Variants in NEURL4 observed in about 807,000 individuals in gnomAD.
NEURL4 encodes the protein neuralized-like protein 4.
A neutral mutation model predicts 148.0 loss-of-function variants in NEURL4; 45 were observed. That is an observed-to-expected ratio of 0.30 (90% confidence interval 0.24 to 0.39). The LOEUF is 0.39. Among genes scored for constraint, NEURL4 ranks in the 10% least tolerant of loss-of-function variants. NEURL4 has a pLI of 1.00. For synonymous variants in NEURL4, 854 were observed against 869.0 expected (o/e 0.98, Z 0.30); for missense variants, 1,776 against 2,144.0 (o/e 0.83, Z 3.39).
In NEURL4 at chr17:7,329,012, C is replaced by T. The variant is rs774170035; in HGVS notation, c.282+19G>A. 1.3e-6 allele frequency: 2 copies of T among 1,538,784 alleles called. No homozygotes were observed. The highest frequency in any genetic ancestry group is 1.8e-6 in the Non-Finnish European group (2 of 1,138,058). On this transcript the variant is annotated intron_variant, in intron 1 of 28. Transcript: ENST00000399464. ...CCCACCACCCTCCACATCTCTGTTCCGCGGTACCAGCGCTGCACCTTGCGG... is the reference window on the plus strand; with the variant it reads ...CCCACCACCCTCCACATCTCTGTTCTGCGGTACCAGCGCTGCACCTTGCGG...
Position 7,327,548 on chromosome 17 carries a change from G to C in NEURL4, c.619C>G (p.Pro207Ala). The change falls in exon 2 of 29, where the codon CCT (proline) becomes GCT (alanine). Residue 207 changes from proline to alanine, a missense_variant. Transcript: ENST00000399464. This position sits in a 1 kb window ranked among gnomAD's most constrained non-coding sequence, Gnocchi z 6.6. ...GKCTQITVLPPEPGFSPPTPI... is the reference protein window; with the variant it reads ...GKCTQITVLPAEPGFSPPTPI... ...GTAGGGGGGCTGAAGCCTGGCTCAGGGGGTAGCACGGTGATCTGGGTGCAC... is the reference window on the plus strand; with the variant it reads ...GTAGGGGGGCTGAAGCCTGGCTCAGCGGGTAGCACGGTGATCTGGGTGCAC... 2 of 1,609,974 alleles carry C rather than the reference G, an allele frequency of 1.2e-6. No homozygotes were observed. Among genetic ancestry groups the C allele is most frequent in the Non-Finnish European group, 1.7e-6 (2 of 1,178,796 alleles).
In NEURL4 at chr17:7,328,204, C is replaced by G. The variant is rs147637478; in HGVS notation, c.283-320G>C. ...TCCAAATTCTCCTACTTCCTATACCCACACCTCTTGCTCTTGTGTATCATT... is the reference window on the plus strand; with the variant it reads ...TCCAAATTCTCCTACTTCCTATACCGACACCTCTTGCTCTTGTGTATCATT... On this transcript the variant is annotated intron_variant, in intron 1 of 28. Transcript: ENST00000399464. Among the ~76,000 whole-genome samples, 16 of 152,300 alleles carry G rather than the reference C, an allele frequency of 1.1e-4. No individual in the cohort carries two copies. The East Asian group carries it at 2.9e-3, about 28-fold the overall frequency.
chr17:7,327,084 TCCCTAC>T lies in NEURL4; in HGVS notation c.793+75_794-76del, dbSNP rs2073112382. 3 of 1,599,332 alleles carry T rather than the reference TCCCTAC, an allele frequency of 1.9e-6. No homozygotes were observed. Among genetic ancestry groups the T allele is most frequent in the African/African-American group, 2.7e-5 (2 of 74,684 alleles). On this transcript the variant is annotated intron_variant, in intron 3 of 28. Coordinates refer to ENST00000399464, the MANE Select transcript of NEURL4 (RefSeq NM_032442.3). The surrounding 1 kb of genome is among the most constrained non-coding windows in gnomAD (Gnocchi z 6.6). Reference sequence around the variant, plus strand: ...TACACCCCCAGACCTGGTGCCTCTCTCCCTACCCCTTCTCCTGAGGGCCCTCCCTTG... The same window carrying T: ...TACACCCCCAGACCTGGTGCCTCTCTCCCTTCTCCTGAGGGCCCTCCCTTG...
rs1034908026 is a variant in NEURL4 at position 7,319,075 on chromosome 17, C to T, written c.3659G>A (p.Arg1220His). ...LKRAAWLLRG[R>H]GVFHNGLKIC... Reference sequence around the variant, plus strand: ...CTTGAGACCGTTGTGGAAGACCCCACGGCCCCGCAGCAGCCAGGCTGCCCG... The same window carrying T: ...CTTGAGACCGTTGTGGAAGACCCCATGGCCCCGCAGCAGCCAGGCTGCCCG... The change falls in exon 22 of 29, where the codon CGT becomes CAT. Residue 1220 changes from arginine to histidine, a missense_variant. Physicochemically the swap from Arg to His is conservative, Grantham distance 29 (BLOSUM62 0). Transcript: ENST00000399464. 8.7e-6 allele frequency: 14 copies of T among 1,613,344 alleles called. No homozygotes were observed. Among genetic ancestry groups the T allele is most frequent in the South Asian group, 2.2e-5 (2 of 91,010 alleles).
chr17:7,325,898 C>G (rs1001002647), intron 6 of NEURL4, among the ~76,000 whole-genome samples, 185 bp from the exon 7 acceptor site: 5 of 152,154 alleles, frequency 3.3e-5, no homozygotes, highest in African/African-American at 1.2e-4. Flanking sequence ...GAGTCAGGCA[C>G]TGAGTTAAAC....
In NEURL4 at chr17:7,317,583, G is replaced by T; in HGVS notation, c.4206-10C>A. On this transcript the variant is annotated splice_polypyrimidine_tract_variant and intron_variant, in intron 26 of 28. Coordinates refer to ENST00000399464, the MANE Select transcript of NEURL4 (RefSeq NM_032442.3). The stretch of plus-strand genomic sequence containing the variant: ...CAGGCGGGGATTCACTCTAGGAGGT[G>T]GACAAGCGGGGCAGATACAACGAAG... The T allele has an allele frequency of 6.2e-7, 1 of 1,612,452 alleles. No individual in the cohort carries two copies. Among genetic ancestry groups the T allele is most frequent in the Non-Finnish European group, 8.5e-7 (1 of 1,178,554 alleles).
intron 6 of NEURL4, 107 bp from the exon 7 acceptor site, chr17:7,325,820 T>C: frequency 1.1e-6 from 1 of 896,550 alleles, no homozygotes; most frequent in Non-Finnish European, 1.9e-6. Context: ...CAGACCACCC[T>C]GGAGGACAGG....
chr17:7,324,781 C>A lies in NEURL4; in HGVS notation c.1813+18G>T. On this transcript the variant is annotated intron_variant, in intron 9 of 28. Transcript: ENST00000399464. The surrounding 1 kb of genome is among the most constrained non-coding windows in gnomAD (Gnocchi z 5.9). ...CCCCCAAAACCCTATCCTGTCCCTG[C>A]CCTTCCTGGGAGCTCACCAGAGCGC... 6.2e-7 allele frequency: 1 copy of A among 1,613,664 alleles called. No homozygotes were observed. Among genetic ancestry groups the A allele is most frequent in the Non-Finnish European group, 8.5e-7 (1 of 1,179,612 alleles).
At chr17:7,317,732 C>T in intron 26 of NEURL4, 56 bp downstream of exon 26, 10 of 1,601,992 alleles carry the variant, frequency 6.2e-6, no homozygotes, top group Non-Finnish European at 8.5e-6. Context: ...TCTTGGGATC[C>T]CCGTTTCTCC....
Position 7,327,976 on chromosome 17 carries a change from C to G in NEURL4, c.283-92G>C. 5.0e-6 allele frequency: 5 copies of G among 1,001,376 alleles called. No homozygotes were observed. The South Asian group carries it at 8.4e-5, about 17-fold the overall frequency. 62.0% of individuals were successfully genotyped at this position (1,001,376 alleles called of 1,614,324 possible). On this transcript the variant is annotated intron_variant, in intron 1 of 28. Transcript: ENST00000399464. The surrounding 1 kb of genome is among the most constrained non-coding windows in gnomAD (Gnocchi z 6.6). ...TCCCACCTCTCAGACAGCTAGCTGG[C>G]TTTCTGTCTCTTGGAACACTAATCC...
chr17:7,324,683 G>T lies in NEURL4; in HGVS notation c.1813+116C>A. 1.6e-6 allele frequency: 2 copies of T among 1,238,208 alleles called. No individual in the cohort carries two copies. The highest frequency in any genetic ancestry group is 2.3e-6 in the Non-Finnish European group (2 of 862,510). The allele number at this position is 1,238,208 out of a possible 1,614,324, so 76.7% of individuals were successfully genotyped here. ...GCCCACGGGACACTCTCTAGCCACT[G>T]AATGAGTGGTCACAAGAGTGACAAG... On this transcript the variant is annotated intron_variant, in intron 9 of 28. Coordinates refer to ENST00000399464, the MANE Select transcript of NEURL4 (RefSeq NM_032442.3). The surrounding 1 kb of genome is among the most constrained non-coding windows in gnomAD (Gnocchi z 5.9).
In NEURL4 at chr17:7,323,800, G is replaced by A. The variant is rs747782248; in HGVS notation, c.2261+14C>T. ...GCAGGAGGAAGGTGGGGACATGAAA[G>A]TTGAGAGACTGACCGGTTGGAGATG... On this transcript the variant is annotated intron_variant, in intron 12 of 28. Coordinates refer to ENST00000399464, the MANE Select transcript of NEURL4 (RefSeq NM_032442.3). 1 of 1,614,146 alleles carries A rather than the reference G, an allele frequency of 6.2e-7. No individual in the cohort carries two copies. Among genetic ancestry groups the A allele is most frequent in the Admixed American group, 1.7e-5 (1 of 60,028 alleles).
Position 7,315,835 on chromosome 17 carries a change from G to C in NEURL4, c.*288C>G, listed in dbSNP as rs1222243705. On this transcript the variant is annotated 3_prime_UTR_variant, in exon 29 of 29. Coordinates refer to ENST00000399464, the MANE Select transcript of NEURL4 (RefSeq NM_032442.3). ...GAAATAAATTAAGTGATGTGGGGTA[G>C]GGGAGTAAAAGGGAGTCATGTTCCC... 1.9e-6 allele frequency: 1 copy of C among 538,178 alleles called. No homozygotes were observed. The highest frequency in any genetic ancestry group is 3.3e-6 in the Non-Finnish European group (1 of 304,664). 33.3% of individuals were successfully genotyped at this position (538,178 alleles called of 1,614,324 possible). A position where few individuals can be genotyped will look rare whatever the true frequency, so the allele number is the denominator to read the frequency against.
Position 7,323,680 on chromosome 17 carries a change from T to A in NEURL4, c.2305A>T (p.Met769Leu). The A allele has an allele frequency of 6.2e-7, 1 of 1,613,644 alleles. No individual in the cohort carries two copies. Among genetic ancestry groups the A allele is most frequent in the Non-Finnish European group, 8.5e-7 (1 of 1,179,822 alleles). The stretch of plus-strand genomic sequence containing the variant: ...ATGGAGCCTGACCAGCGGTCCACCA[T>A]CTTCTGAATGACAATTTCAAACAGC... ...GELFEIVIQK[M>L]VDRWSGSIEA... The change falls in exon 13 of 29, where the codon ATG becomes TTG. Residue 769 changes from methionine to leucine, a missense_variant. Physicochemically the swap from Met to Leu is conservative, Grantham distance 15. Transcript: ENST00000399464.
Position 7,318,824 on chromosome 17 carries a change from C to G in NEURL4, c.3685-150G>C. 2.0e-6 allele frequency: 2 copies of G among 979,510 alleles called. No individual in the cohort carries two copies. Among genetic ancestry groups the G allele is most frequent in the Non-Finnish European group, 3.0e-6 (2 of 673,828 alleles). 60.7% of individuals were successfully genotyped at this position (979,510 alleles called of 1,614,324 possible). ...CTCCTCCCACTGCAGTTACCTAGAG[C>G]CCCTCCCCTTCCCCAAAACTGGCAC... On this transcript the variant is annotated intron_variant, in intron 22 of 28. Coordinates refer to ENST00000399464, the MANE Select transcript of NEURL4 (RefSeq NM_032442.3). This position sits in a 1 kb window ranked among gnomAD's most constrained non-coding sequence, Gnocchi z 4.3.
At position 7,323,681 on chromosome 17, in the gene NEURL4, C is replaced by A; in HGVS notation, c.2304G>T (p.Lys768Asn). The A allele has an allele frequency of 6.2e-7, 1 of 1,613,836 alleles. No homozygotes were observed. The highest frequency in any genetic ancestry group is 8.5e-7 in the Non-Finnish European group (1 of 1,179,866). The change falls in exon 13 of 29, where the codon AAG (lysine) becomes AAT (asparagine). Residue 768 changes from lysine (K) to asparagine (N), a missense_variant. Transcript: ENST00000399464. Reference sequence around the variant, plus strand: ...TGGAGCCTGACCAGCGGTCCACCATCTTCTGAATGACAATTTCAAACAGCT... The same window carrying A: ...TGGAGCCTGACCAGCGGTCCACCATATTCTGAATGACAATTTCAAACAGCT... Reference protein sequence around the residue: ...DGELFEIVIQKMVDRWSGSIE... With the variant: ...DGELFEIVIQNMVDRWSGSIE...
Position 7,318,554 on chromosome 17 carries a change from C to G in NEURL4, c.3805G>C (p.Val1269Leu), listed in dbSNP as rs1342438754. The G allele has an allele frequency of 6.2e-6, 10 of 1,613,540 alleles. No homozygotes were observed. The highest frequency in any genetic ancestry group is 1.1e-5 in the South Asian group (1 of 90,972). The change falls in exon 23 of 29, where the codon GTG becomes CTG. Residue 1269 changes from valine to leucine, a missense_variant. Coordinates refer to ENST00000399464, the MANE Select transcript of NEURL4 (RefSeq NM_032442.3). This position sits in a 1 kb window ranked among gnomAD's most constrained non-coding sequence, Gnocchi z 4.3. ...TGGCAGGGCTGGGGCACATCTGGCA[C>G]AGCTACCCCCTGGTCCACCCCATTA... ...HVNGVDQGVA[V>L]PDVPQPCHAL... is the part of the protein sequence containing the mutation.
rs759964299 is a variant in NEURL4 at position 7,318,732 on chromosome 17, G to A, written c.3685-58C>T. On this transcript the variant is annotated intron_variant, in intron 22 of 28. Coordinates refer to ENST00000399464, the MANE Select transcript of NEURL4 (RefSeq NM_032442.3). This position sits in a 1 kb window ranked among gnomAD's most constrained non-coding sequence, Gnocchi z 4.3. ...CAGACTCCACCGCGGCAGCTGTCCCGCCCTTTGCTCTGCTTCCTTTTGCCA... is the reference window on the plus strand; with the variant it reads ...CAGACTCCACCGCGGCAGCTGTCCCACCCTTTGCTCTGCTTCCTTTTGCCA... 22 of 1,524,550 alleles carry A rather than the reference G, an allele frequency of 1.4e-5. No individual in the cohort carries two copies. Among genetic ancestry groups the A allele is most frequent in the East Asian group, 2.3e-5 (1 of 43,786 alleles). 94.4% of individuals were successfully genotyped at this position (1,524,550 alleles called of 1,614,324 possible).
chr17:7,322,257 C>T lies in NEURL4; in HGVS notation c.2726-247G>A, dbSNP rs2073043988. On this transcript the variant is annotated intron_variant, in intron 16 of 28. Transcript: ENST00000399464. This position sits in a 1 kb window ranked among gnomAD's most constrained non-coding sequence, Gnocchi z 5.5. ...ACTGCAGCCTCGACTTCCTGGGATC[C>T]AGCTATCCTCCCACCTCAGCCTCTC... is the stretch of plus-strand genomic sequence containing the variant. Among the ~76,000 whole-genome samples, 1 of 152,076 alleles carries T rather than the reference C, an allele frequency of 6.6e-6. No homozygotes were observed. The highest frequency in any genetic ancestry group is 1.5e-5 in the Non-Finnish European group (1 of 68,016).
Sources: allele counts gnomAD v4.1 joint callset (sites outside exome capture counted in the v4.1 genomes callset), GRCh38; gene constraint gnomAD v4.1.1; non-coding constraint Gnocchi (gnomAD v3.1); transcripts MANE v1.5; gene names NCBI Gene and HGNC (gene_info 2026-07-23, HGNC 2026-07-21).